Variants in PDCD11 observed in about 807,000 individuals in gnomAD.
PDCD11 encodes programmed cell death 11.
In PDCD11, 97 loss-of-function variants were observed where a neutral mutation model predicts 198.9. The ratio of observed to expected loss-of-function variants is 0.49; its 90% CI spans 0.41 to 0.58. The LOEUF (loss-of-function observed/expected upper bound fraction) is 0.58, where lower values mean the gene tolerates loss of function less well. Among genes scored for constraint, PDCD11 ranks in the 20% least tolerant of loss-of-function variants. The pLI, the probability that PDCD11 is intolerant of heterozygous loss-of-function variation, is 0.00. For synonymous variants in PDCD11, 893 were observed against 918.0 expected, an observed-to-expected ratio of 0.97 and a Z score of 0.49; for missense variants, 2,102 against 2,312.7, an observed-to-expected ratio of 0.91 and a Z score of 1.87.
intron 1 of PDCD11, among the ~76,000 whole-genome samples, chr10:103,397,990 C>A (rs544190629): frequency 6.6e-6 from 1 of 152,242 alleles, no homozygotes; most frequent in African/African-American, 2.4e-5. Context: ...TCCCTTCCTA[C>A]ATTGCCTTAT....
At chr10:103,435,609 T>C (rs2032120036) in intron 25 of PDCD11, among the ~76,000 whole-genome samples, 2 of 151,766 alleles carry the variant, frequency 1.3e-5, no homozygotes, top group Admixed American at 1.3e-4. Flanking sequence ...TCCTCCCAAG[T>C]TCAAGCAATT....
intron 33 of PDCD11, 120 bp from the exon 34 acceptor site, chr10:103,443,795 C>T: frequency 2.0e-6 from 2 of 997,012 alleles, no homozygotes; most frequent in Non-Finnish European, 3.1e-6. Context: ...AGCATTAGGC[C>T]CTGAGAGTGA....
At chr10:103,427,515 T>C (rs2031750419) in intron 21 of PDCD11, 124 bp downstream of exon 21, 1 of 760,878 alleles carries the variant, frequency 1.3e-6, no homozygotes, top group Non-Finnish European at 2.2e-6. Context: ...CTGTCCAAGT[T>C]TTCTTGTTTC....
At position 103,406,044 on chromosome 10, in the gene PDCD11, T is replaced by G; in HGVS notation, c.624T>G (p.Val208=). 2 of 1,614,216 alleles carry G rather than the reference T, an allele frequency of 1.2e-6. No homozygotes were observed. The highest frequency in any genetic ancestry group is 1.7e-6 in the Non-Finnish European group (2 of 1,180,028). The change falls in exon 6 of 36, where the codon GTT becomes GTG. Residue 208 remains valine (V), a synonymous_variant. Transcript: ENST00000369797. ...ATGGCTACCTAGTGGACATTGGTGT[T>G]GATGGGACCAGAGCTTTTCTGCCAC... The part of the protein sequence containing the change: ...EDHGYLVDIG[V]DGTRAFLPLL...
chr10:103,434,297 C>A lies in PDCD11; in HGVS notation c.3614C>A (p.Ala1205Asp). 1 of 1,613,850 alleles carries A rather than the reference C, an allele frequency of 6.2e-7. No homozygotes were observed. Among genetic ancestry groups the A allele is most frequent in the Non-Finnish European group, 8.5e-7 (1 of 1,179,706 alleles). The change falls in exon 24 of 36, where the codon GCC (alanine) becomes GAC (aspartate). Residue 1205 changes from alanine to aspartate, a missense_variant. By Grantham distance (126) the Ala-to-Asp change is moderately radical (BLOSUM62 -2). Coordinates refer to ENST00000369797, the MANE Select transcript of PDCD11 (RefSeq NM_014976.2). The part of the protein sequence containing the change: ...KKFRVGQALR[A>D]TVVGPDSSKT... ...TTCCGGGTTGGCCAGGCCCTGAGGG[C>A]CACCGTTGTTGGCCCAGATTCCTCC...
chr10:103,439,876 C>T lies in PDCD11; in HGVS notation c.4148+8C>T, dbSNP rs1478427055. On this transcript the variant is annotated splice_region_variant and intron_variant, in intron 28 of 35. Transcript: ENST00000369797. The stretch of plus-strand genomic sequence containing the variant: ...CACAGCCAGGGTCCTACGGTAGGTG[C>T]CTTCCCGTTCTCTCTCTCTCTGTAA... 1.2e-6 allele frequency: 2 copies of T among 1,614,066 alleles called. No individual in the cohort carries two copies. Among genetic ancestry groups the T allele is most frequent in the Non-Finnish European group, 1.7e-6 (2 of 1,179,936 alleles).
At position 103,440,567 on chromosome 10, in the gene PDCD11, T is replaced by G. The variant is rs1318312071; in HGVS notation, c.4426T>G (p.Ser1476Ala). 25 of 1,610,214 alleles carry G rather than the reference T, an allele frequency of 1.6e-5. No individual in the cohort carries two copies. The highest frequency in any genetic ancestry group is 2.0e-5 in the Non-Finnish European group (24 of 1,179,414). Residue 1476 changes from serine to alanine, a missense_variant, in exon 29 of 36, where the codon TCT becomes GCT. By Grantham distance (99) the Ser-to-Ala change is moderately conservative. Transcript: ENST00000369797. ...QKRGGRECRE[S>A]GSEQERVSKK... Reference sequence around the variant, plus strand: ...GCGGGGCGGGCGGGAGTGCCGGGAGTCTGGGAGTGAGCAGGTGAGGTCCTG... The same window carrying G: ...GCGGGGCGGGCGGGAGTGCCGGGAGGCTGGGAGTGAGCAGGTGAGGTCCTG...
chr10:103,422,935 C>T, intron 17 of PDCD11, 53 bp from the exon 18 acceptor site: 1 of 1,395,622 alleles, frequency 7.2e-7, no homozygotes, highest in Non-Finnish European at 9.4e-7. Flanking sequence ...AGGAAAAGAA[C>T]AGTGAGAGTT....
chr10:103,404,767 G>T (rs546588670), intron 4 of PDCD11, among the ~76,000 whole-genome samples: 1 of 152,354 alleles, frequency 6.6e-6, no homozygotes, highest in Admixed American at 6.5e-5. Flanking sequence ...AGTAGAGGCA[G>T]AAAGTGTAGA....
rs138068824 is a variant in PDCD11 at position 103,424,058 on chromosome 10, T to A, written c.2763+400T>A. ...GCTACTGCTGCTAAATCTTTGATTT[T>A]TAAGAGAAGGCAGAATTTGGATTTT... On this transcript the variant is annotated intron_variant, in intron 19 of 35. Transcript: ENST00000369797. Among the ~76,000 whole-genome samples the A allele has an allele frequency of 2.3e-3, 357 of 152,298 alleles. 1 individual carries two copies. The highest frequency in any genetic ancestry group is 7.0e-3 in the African/African-American group (293 of 41,562).
intron 7 of PDCD11, 68 bp from the exon 8 acceptor site, chr10:103,409,631 G>A: frequency 9.7e-7 from 1 of 1,036,012 alleles, no homozygotes; most frequent in Non-Finnish European, 1.5e-6. Flanking sequence ...TGTTTACTGT[G>A]AGCAATGTCT....
chr10:103,432,174 C>A lies in PDCD11; in HGVS notation c.3414C>A (p.Ser1138Arg), dbSNP rs1435066933. ...CTGCTCTTAACACTCACTCTGTTAG[C>A]CCCATGGAGAAGATTAAACAGTACC... ...GHTALNTHSV[S>R]PMEKIKQYQA... Residue 1138 changes from serine to arginine, a missense_variant, in exon 22 of 36, where the codon AGC (serine) becomes AGA (arginine). Transcript: ENST00000369797. The A allele has an allele frequency of 1.9e-6, 3 of 1,613,830 alleles. No individual in the cohort carries two copies. Among genetic ancestry groups the A allele is most frequent in the Non-Finnish European group, 2.5e-6 (3 of 1,179,854 alleles).
chr10:103,410,792 T>C (rs1418200621), intron 8 of PDCD11, among the ~76,000 whole-genome samples: 1 of 151,838 alleles, frequency 6.6e-6, no homozygotes, highest in Non-Finnish European at 1.5e-5. Context: ...AAATTTTTTT[T>C]AGGCCAGGTG....
intron 28 of PDCD11, 55 bp from the exon 29 acceptor site, chr10:103,440,235 G>T (rs929991991): frequency 1.3e-6 from 2 of 1,556,712 alleles, no homozygotes; most frequent in Admixed American, 3.9e-5. Context: ...TGGGCCGCCT[G>T]TGGTGCCCTC....
At chr10:103,427,606 A>G (rs2031754543) in intron 21 of PDCD11, among the ~76,000 whole-genome samples, 1 of 152,240 alleles carries the variant, frequency 6.6e-6, no homozygotes, top group Non-Finnish European at 1.5e-5. Flanking sequence ...GGTTTTAAGT[A>G]TCAATTTAAA....
rs768027597 is a variant in PDCD11 at position 103,440,436 on chromosome 10, A to G, written c.4295A>G (p.Glu1432Gly). 5.6e-6 allele frequency: 9 copies of G among 1,614,084 alleles called. No individual in the cohort carries two copies. The highest frequency in any genetic ancestry group is 1.7e-5 in the Admixed American group (1 of 60,004). Reference sequence around the variant, plus strand: ...GCTGAGGAGAGAGACCAAAAAGGGGAAAAGAAAAATCAGAAAAGGAACGAG... The same window carrying G: ...GCTGAGGAGAGAGACCAAAAAGGGGGAAAGAAAAATCAGAAAAGGAACGAG... ...TEAEERDQKG[E>G]KKNQKRNEKK... The change falls in exon 29 of 36, where the codon GAA becomes GGA. Residue 1432 changes from glutamate (E) to glycine (G), a missense_variant. Coordinates refer to ENST00000369797, the MANE Select transcript of PDCD11 (RefSeq NM_014976.2).
Position 103,442,255 on chromosome 10 carries a change from G to A in PDCD11, c.4750G>A (p.Ala1584Thr), listed in dbSNP as rs1346494273. ...KKERELEKQK[A>T]EKELSRIEEA... is the part of the protein sequence containing the mutation. Reference sequence around the variant, plus strand: ...AGAAAGGGAGTTGGAGAAGCAGAAGGCAGAGAAGGAACTGTCCCGCATTGA... The same window carrying A: ...AGAAAGGGAGTTGGAGAAGCAGAAGACAGAGAAGGAACTGTCCCGCATTGA... The change falls in exon 32 of 36, where the codon GCA becomes ACA. Residue 1584 changes from alanine (A) to threonine (T), a missense_variant. Ala to Thr is a moderately conservative substitution (Grantham distance 58). Coordinates refer to ENST00000369797, the MANE Select transcript of PDCD11 (RefSeq NM_014976.2). 1 of 1,614,090 alleles carries A rather than the reference G, an allele frequency of 6.2e-7. No homozygotes were observed. Among genetic ancestry groups the A allele is most frequent in the African/African-American group, 1.3e-5 (1 of 74,950 alleles).
At position 103,440,834 on chromosome 10, in the gene PDCD11, C is replaced by T. The variant is rs145340744; in HGVS notation, c.4541C>T (p.Thr1514Met). The T allele has an allele frequency of 1.1e-5, 17 of 1,611,240 alleles. No individual in the cohort carries two copies. The African/African-American group carries it at 1.1e-4, about 10-fold the overall frequency. ...YREGKEEAEE[T>M]NVLPKEKQTK... ...GAGGGAAAAGAGGAGGCAGAAGAGA[C>T]GAATGTGCTGCCCAAGGTGAGGGTG... Residue 1514 changes from threonine to methionine, a missense_variant, in exon 30 of 36, where the codon ACG becomes ATG. Transcript: ENST00000369797.
chr10:103,429,292 G>GT, intron 21 of PDCD11, among the ~76,000 whole-genome samples: 1 of 152,254 alleles, frequency 6.6e-6, no homozygotes, highest in African/African-American at 2.4e-5. Flanking sequence ...TTTCTCATAG[G>GT]TCCCCATTCA....
Sources: gnomAD v4.1 joint callset for allele counts (sites outside exome capture counted in the v4.1 genomes callset) on GRCh38, gnomAD v4.1.1 for gene constraint, MANE v1.5 for transcripts, NCBI Gene and HGNC (gene_info 2026-07-23, HGNC 2026-07-21) for gene names.